CNTN4: variants seen among roughly 807,000 people sequenced by gnomAD.
CNTN4 encodes contactin-4.
In CNTN4, 77 loss-of-function variants were observed where a neutral mutation model predicts 122.5. The ratio of observed to expected loss-of-function variants is 0.63; its 90% CI spans 0.52 to 0.76. The LOEUF is 0.76. Ranked by LOEUF, CNTN4 falls within the 30% of genes least tolerant of loss-of-function variation. The probability of loss-of-function intolerance (pLI) is 0.00; values close to 1 mark genes in which losing one functional copy is unlikely to be tolerated. For missense variants in CNTN4, 1,256 were observed against 1,259.1 expected, an observed-to-expected ratio of 1.00 and a Z score of 0.04; for synonymous variants, 512 against 447.0, an observed-to-expected ratio of 1.15 and a Z score of -1.83.
At chr3:2,745,923 T>A (rs560903697) in intron 6 of CNTN4, among the ~76,000 whole-genome samples, 2 of 152,318 alleles carry the variant, frequency 1.3e-5, no homozygotes, top group South Asian at 4.1e-4. Context: ...TAGTTGATTG[T>A]ATGATAATTT....
At chr3:2,622,062 C>T (rs1396530275) in intron 4 of CNTN4, among the ~76,000 whole-genome samples, 2 of 152,162 alleles carry the variant, frequency 1.3e-5, no homozygotes, top group East Asian at 3.9e-4. Flanking sequence ...AATTTCAGTT[C>T]CATCTCTGTT....
In CNTN4 at chr3:2,381,877, A is replaced by T. The variant is rs1047430361; in HGVS notation, c.-89+42644A>T. Among the ~76,000 whole-genome samples, 78 of 152,264 alleles carry T rather than the reference A, an allele frequency of 5.1e-4. 2 individuals carry two copies. Among genetic ancestry groups the T allele is most frequent in the Middle Eastern group, 3.4e-3 (1 of 294 alleles). On this transcript the variant is annotated intron_variant, in intron 3 of 24. Transcript: ENST00000418658. ...GCCAAGAATTTGAAATTTTTCTATG[A>T]AGGTGCAAGGTTCTAAGACCAAATT...
chr3:2,389,438 G>A (rs1454632592), intron 3 of CNTN4, among the ~76,000 whole-genome samples: 1 of 152,132 alleles, frequency 6.6e-6, no homozygotes, highest in African/African-American at 2.4e-5. Flanking sequence ...ACTCTTCAGA[G>A]AGGCCTTGCT....
At chr3:2,287,640 GA>G (rs1553616231) in intron 2 of CNTN4, among the ~76,000 whole-genome samples, 10,332 of 57,004 alleles carry the variant, frequency 0.18, 552 homozygotes, top group East Asian at 0.2. Context: ...AGGAGAAGAA[GA>G]AGAAGAAGAA....
intron 7 of CNTN4, among the ~76,000 whole-genome samples, chr3:2,858,840 G>A (rs965661433): frequency 5.3e-5 from 8 of 151,936 alleles, no homozygotes; most frequent in South Asian, 2.1e-4. Context: ...TTTAAAATTC[G>A]TATACATTAT....
chr3:2,842,795 A>G (rs1438302318), intron 7 of CNTN4, among the ~76,000 whole-genome samples: 1 of 152,188 alleles, frequency 6.6e-6, no homozygotes, highest in East Asian at 1.9e-4. Flanking sequence ...CTTTTGGGCT[A>G]TAACTCTCTT....
intron 7 of CNTN4, among the ~76,000 whole-genome samples, chr3:2,854,281 T>TTTC: frequency 6.9e-6 from 1 of 144,776 alleles, no homozygotes; most frequent in Admixed American, 6.9e-5. Flanking sequence ...TTTTTTTTTT[T>TTTC]TTTTTTTTGA....
chr3:2,978,766 C>T (rs546069527), intron 13 of CNTN4, among the ~76,000 whole-genome samples: 1 of 152,164 alleles, frequency 6.6e-6, no homozygotes, highest in African/African-American at 2.4e-5. Flanking sequence ...GCTGATGGCC[C>T]CTGGGGTCAG....
chr3:2,261,954 T>A (rs2040848835), intron 2 of CNTN4, among the ~76,000 whole-genome samples: 1 of 152,192 alleles, frequency 6.6e-6, no homozygotes, highest in Non-Finnish European at 1.5e-5. Flanking sequence ...AAGTGCCTTT[T>A]TGCAACTTGC....
At chr3:2,888,766 CAG>C (rs1369751893) in intron 10 of CNTN4, among the ~76,000 whole-genome samples, 6 of 151,804 alleles carry the variant, frequency 4.0e-5, no homozygotes, top group Admixed American at 2.0e-4. Flanking sequence ...ATTTCATACA[CAG>C]AACCCATGAA....
Position 3,043,639 on chromosome 3 carries a change from A to C in CNTN4, c.2746A>C (p.Lys916Gln), listed in dbSNP as rs772100429. The C allele has an allele frequency of 3.1e-6, 5 of 1,614,134 alleles. No individual in the cohort carries two copies. In the South Asian group the frequency reaches 5.5e-5, roughly 18 times the overall value. Residue 916 changes from lysine (K) to glutamine (Q), a missense_variant, in exon 23 of 25, where the codon AAA becomes CAA. Transcript: ENST00000418658. ...CATCATATGGAATTCATCAGACTCC[A>C]AAATTATCCTGAATTGGGATCAAGT... Reference protein sequence around the residue: ...GNIIWNSSDSKIILNWDQVKA... With the variant: ...GNIIWNSSDSQIILNWDQVKA...
intron 3 of CNTN4, among the ~76,000 whole-genome samples, chr3:2,396,731 C>A (rs188116900): frequency 5.0e-4 from 75 of 150,624 alleles, no homozygotes; most frequent in African/African-American, 1.3e-3. Context: ...TATGAAAGAA[C>A]TAGTCAAAGT....
At chr3:2,873,161 A>C (rs1319890689) in intron 8 of CNTN4, among the ~76,000 whole-genome samples, 3 of 152,204 alleles carry the variant, frequency 2.0e-5, no homozygotes, top group Non-Finnish European at 4.4e-5. Context: ...CATAAGACAA[A>C]TCATTACCAT....
rs192411510 is a variant in CNTN4, at chr3:2,844,427, A to C, written c.455-22325A>C. Among the ~76,000 whole-genome samples the C allele has an allele frequency of 1.6e-3, 237 of 152,348 alleles. 1 individual carries two copies. The highest frequency in any genetic ancestry group is 5.4e-3 in the African/African-American group (225 of 41,582). ...ATGTAATATAAGTCTCAAGGCTTGCAGTAGGCTGCTTTGGGGTTTGCCTTC... is the reference window on the plus strand; with the variant it reads ...ATGTAATATAAGTCTCAAGGCTTGCCGTAGGCTGCTTTGGGGTTTGCCTTC... On this transcript the variant is annotated intron_variant, in intron 7 of 24. Transcript: ENST00000418658.
At chr3:2,468,051 C>T (rs889351133) in intron 3 of CNTN4, among the ~76,000 whole-genome samples, 15 of 152,100 alleles carry the variant, frequency 9.9e-5, no homozygotes, top group African/African-American at 3.1e-4. Context: ...ATATTTTACT[C>T]GACCATGCTG....
At chr3:2,294,505 C>T (rs561190745) in intron 2 of CNTN4, among the ~76,000 whole-genome samples, 3 of 152,082 alleles carry the variant, frequency 2.0e-5, no homozygotes, top group African/African-American at 7.2e-5. Flanking sequence ...GTGGCAGACA[C>T]CTGTAATCCA....
At chr3:2,152,230 C>T (rs1466628512) in intron 2 of CNTN4, among the ~76,000 whole-genome samples, 1 of 152,116 alleles carries the variant, frequency 6.6e-6, no homozygotes, top group Non-Finnish European at 1.5e-5. Flanking sequence ...GCAGTAGGCC[C>T]AGCTTGTTCC....
chr3:2,237,616 TTATTTAA>T (rs2039735545), intron 2 of CNTN4, among the ~76,000 whole-genome samples: 2 of 152,348 alleles, frequency 1.3e-5, no homozygotes, highest in South Asian at 4.1e-4. Flanking sequence ...CTTCTCTAAC[TTATTTAA>T]TATAACCTTC....
At chr3:2,784,473 T>C (rs1353499405) in intron 6 of CNTN4, among the ~76,000 whole-genome samples, 3 of 152,190 alleles carry the variant, frequency 2.0e-5, no homozygotes, top group Non-Finnish European at 4.4e-5. Flanking sequence ...GTTAAGGTCT[T>C]TGCCTGAAGT....
Sources: gnomAD v4.1 joint callset for allele counts (sites outside exome capture counted in the v4.1 genomes callset) on GRCh38, gnomAD v4.1.1 for gene constraint, MANE v1.5 for transcripts, NCBI Gene and HGNC (gene_info 2026-07-23, HGNC 2026-07-21) for gene names.